MAP3K5: variants seen among roughly 807,000 people sequenced by gnomAD.
The protein encoded by MAP3K5 is mitogen-activated protein kinase kinase kinase 5.
In MAP3K5, 56 loss-of-function variants were observed where a neutral mutation model predicts 158.7. That is an observed-to-expected ratio of 0.35 (90% CI 0.28 to 0.44). The LOEUF is 0.44. Among genes scored for constraint, MAP3K5 ranks in the 20% least tolerant of loss-of-function variants. MAP3K5 has a pLI of 1.00. For missense variants in MAP3K5, 1,294 were observed against 1,674.8 expected, an observed-to-expected ratio of 0.77 and a Z score of 3.97; for synonymous variants, 579 against 601.7, an observed-to-expected ratio of 0.96 and a Z score of 0.55.
intron 7 of MAP3K5, among the ~76,000 whole-genome samples, chr6:136,670,716 A>G (rs1779446819): frequency 6.6e-6 from 1 of 152,168 alleles, no homozygotes; most frequent in South Asian, 2.1e-4. Context: ...TTTTCTGAAT[A>G]TTGAGGACCA....
chr6:136,657,168 T>A (rs566909512), intron 9 of MAP3K5, among the ~76,000 whole-genome samples: 1 of 152,354 alleles, frequency 6.6e-6, no homozygotes, highest in African/African-American at 2.4e-5. Flanking sequence ...GAGATCATTA[T>A]TTAGCTCTGA....
At chr6:136,756,253 C>T (rs1475667728) in intron 1 of MAP3K5, among the ~76,000 whole-genome samples, 1 of 151,936 alleles carries the variant, frequency 6.6e-6, no homozygotes, top group Non-Finnish European at 1.5e-5. Context: ...GGTAGGCAGA[C>T]GTTGCAGTGA....
intron 1 of MAP3K5, among the ~76,000 whole-genome samples, chr6:136,729,818 G>A (rs551689496): frequency 4.9e-4 from 75 of 152,324 alleles, no homozygotes; most frequent in African/African-American, 1.5e-3. Context: ...CCGAGAGAGC[G>A]TGTCCCTCAA....
At chr6:136,647,871 C>G (rs1448994015) in intron 11 of MAP3K5, 3 of 152,500 alleles carry the variant, frequency 2.0e-5, no homozygotes, top group South Asian at 4.1e-4. Flanking sequence ...CGCCACAGAC[C>G]AAGAACCCAT....
In MAP3K5 at chr6:136,639,645, C is replaced by T; in HGVS notation, c.1839-7G>A. 1 of 1,458,724 alleles carries T rather than the reference C, an allele frequency of 6.9e-7. No individual in the cohort carries two copies. Among genetic ancestry groups the T allele is most frequent in the East Asian group, 2.3e-5 (1 of 43,434 alleles). 90.4% of individuals were successfully genotyped at this position (1,458,724 alleles called of 1,614,324 possible). A position where few individuals can be genotyped will look rare whatever the true frequency, so the allele number is the denominator to read the frequency against. ...TTCTTCAAATTTAGAAATACTGAAA[C>T]CAACAAACAAAAAGGCATTATTCAG... On this transcript the variant is annotated splice_polypyrimidine_tract_variant and splice_region_variant and intron_variant, in intron 12 of 29. Transcript: ENST00000359015.
In MAP3K5 at chr6:136,656,299, G is replaced by C; in HGVS notation, c.1680+8C>G. 10 of 1,611,376 alleles carry C rather than the reference G, an allele frequency of 6.2e-6. No homozygotes were observed. The highest frequency in any genetic ancestry group is 8.5e-6 in the Non-Finnish European group (10 of 1,177,578). ...AAATGTACTTAGATTTAAAGGAAGA[G>C]TACTCACTGGAAACCTAACCACAGT... On this transcript the variant is annotated splice_region_variant and intron_variant, in intron 10 of 29. Transcript: ENST00000359015.
intron 25 of MAP3K5, among the ~76,000 whole-genome samples, chr6:136,575,531 T>C (rs901183792): frequency 7.9e-5 from 12 of 152,186 alleles, no homozygotes; most frequent in Admixed American, 6.5e-5. Flanking sequence ...ACCAATGTCC[T>C]TTTTCTGATC....
chr6:136,673,093 C>G (rs759057256), intron 7 of MAP3K5, among the ~76,000 whole-genome samples: 5 of 151,572 alleles, frequency 3.3e-5, no homozygotes, highest in African/African-American at 4.8e-5. Context: ...AAGAAATCTC[C>G]GACAGTATTT....
chr6:136,760,285 T>C (rs1230748111), intron 1 of MAP3K5, among the ~76,000 whole-genome samples: 4 of 152,162 alleles, frequency 2.6e-5, no homozygotes, highest in African/African-American at 9.7e-5. Flanking sequence ...TTTTTTTCCT[T>C]ATAGAAACAA....
At chr6:136,632,184 G>C (rs1777397922) in intron 14 of MAP3K5, among the ~76,000 whole-genome samples, 1 of 152,286 alleles carries the variant, frequency 6.6e-6, no homozygotes, top group Non-Finnish European at 1.5e-5. Flanking sequence ...GCTACAGCCA[G>C]AGGGGGTGAG....
At chr6:136,654,520 C>T (rs1022430502) in intron 10 of MAP3K5, among the ~76,000 whole-genome samples, 1 of 152,082 alleles carries the variant, frequency 6.6e-6, no homozygotes, top group Non-Finnish European at 1.5e-5. Flanking sequence ...GGTATCGGCT[C>T]ACCGCAACCT....
At chr6:136,618,172 G>C (rs1001318636) in intron 15 of MAP3K5, among the ~76,000 whole-genome samples, 10 of 152,170 alleles carry the variant, frequency 6.6e-5, no homozygotes, top group African/African-American at 2.4e-4. Context: ...TGTACACTCA[G>C]GTTGTATCAT....
intron 1 of MAP3K5, among the ~76,000 whole-genome samples, chr6:136,746,887 T>C (rs1375730187): frequency 6.6e-6 from 1 of 152,234 alleles, no homozygotes; most frequent in Admixed American, 6.5e-5. Flanking sequence ...TCTTTAAAAA[T>C]GTATTTTTTA....
rs114503366 is a variant in MAP3K5, at chr6:136,575,329, T to G, written c.3517+4972A>C. ...GGCACATGCTGCCATGCCTGACTTA[T>G]TTTTGTATTTTTCATGTAGAGATGC... On this transcript the variant is annotated intron_variant, in intron 25 of 29. Transcript: ENST00000359015. Among the ~76,000 whole-genome samples the G allele has an allele frequency of 2.3e-3, 351 of 151,728 alleles. 2 individuals are homozygous for G. Among genetic ancestry groups the G allele is most frequent in the African/African-American group, 7.9e-3 (328 of 41,342 alleles).
chr6:136,699,872 T>C (rs1039505595), intron 3 of MAP3K5, among the ~76,000 whole-genome samples: 7 of 152,164 alleles, frequency 4.6e-5, no homozygotes, highest in African/African-American at 7.2e-5. Context: ...GGCGGGCAGA[T>C]TGCTTGAAGC....
intron 2 of MAP3K5, among the ~76,000 whole-genome samples, chr6:136,708,346 C>T (rs1781164065): frequency 1.3e-5 from 2 of 152,026 alleles, no homozygotes; most frequent in African/African-American, 2.4e-5. Context: ...GCCTCAACTT[C>T]CCAGGCTCCA....
chr6:136,697,011 T>C (rs1281920971), intron 5 of MAP3K5, among the ~76,000 whole-genome samples: 1 of 152,222 alleles, frequency 6.6e-6, no homozygotes, highest in African/African-American at 2.4e-5. Context: ...GCCTTTACCA[T>C]ACAAGTCTTT....
In MAP3K5 at chr6:136,642,582, C is replaced by T. The variant is rs1778034684; in HGVS notation, c.1789-13G>A. 1.3e-6 allele frequency: 2 copies of T among 1,575,052 alleles called. No individual in the cohort carries two copies. Among genetic ancestry groups the T allele is most frequent in the African/African-American group, 1.4e-5 (1 of 74,006 alleles). Reference sequence around the variant, plus strand: ...CATGTATACCTTTCTAGAACAACAACAAGAAAATATACTGAGTCATCCAAA... The same window carrying T: ...CATGTATACCTTTCTAGAACAACAATAAGAAAATATACTGAGTCATCCAAA... On this transcript the variant is annotated splice_polypyrimidine_tract_variant and intron_variant, in intron 11 of 29. Coordinates refer to ENST00000359015, the MANE Select transcript of MAP3K5 (RefSeq NM_005923.4).
chr6:136,558,330 G>A (rs1057065713), intron 29 of MAP3K5, among the ~76,000 whole-genome samples: 2 of 151,356 alleles, frequency 1.3e-5, no homozygotes, highest in East Asian at 3.9e-4. Flanking sequence ...AGTGAGCTGA[G>A]ATCACGCCAC....
Sources: gnomAD v4.1 joint callset for allele counts (sites outside exome capture counted in the v4.1 genomes callset) on GRCh38, gnomAD v4.1.1 for gene constraint, MANE v1.5 for transcripts, NCBI Gene and HGNC (gene_info 2026-07-23, HGNC 2026-07-21) for gene names.